The following MMP24 variants were observed in gnomAD, a reference collection of about 807,000 sequenced individuals.
MMP24 encodes matrix metalloproteinase-24.
MMP24 carries 25 observed loss-of-function variants against 62.8 expected under a neutral mutation model. The ratio of observed to expected loss-of-function variants is 0.40; its 90% CI spans 0.29 to 0.56. The LOEUF (loss-of-function observed/expected upper bound fraction) is 0.56, where lower values mean the gene tolerates loss of function less well. Among genes scored for constraint, MMP24 ranks in the 20% least tolerant of loss-of-function variants. MMP24 has a pLI of 0.50. For synonymous variants in MMP24, 319 were observed against 350.5 expected (o/e 0.91, Z 1.00); for missense variants, 634 against 853.6 (o/e 0.74, Z 3.21).
chr20:35,241,328 A>C (rs180704991), intron 1 of MMP24, among the ~76,000 whole-genome samples: 96 of 152,246 alleles, frequency 6.3e-4, no homozygotes, highest in Middle Eastern at 3.4e-3. Flanking sequence ...ACAGACACAC[A>C]CACACATAAT....
chr20:35,271,117 G>A lies in MMP24; in HGVS notation c.1334-452G>A, dbSNP rs961438557. 1.4e-4 allele frequency among the ~76,000 whole-genome samples: 22 copies of A among 152,182 alleles called. No individual in the cohort carries two copies. The highest frequency in any genetic ancestry group is 4.8e-4 in the African/African-American group (20 of 41,440). The stretch of plus-strand genomic sequence containing the variant: ...AGTGAGGCTAGGACTCCCTGTTGGG[G>A]ACCTGGGAGGCAGAAGGTGATGAGG... On this transcript the variant is annotated intron_variant, in intron 7 of 8. Coordinates refer to ENST00000246186, the MANE Select transcript of MMP24 (RefSeq NM_006690.4). This position sits in a 1 kb window ranked among gnomAD's most constrained non-coding sequence, Gnocchi z 4.0.
At position 35,263,771 on chromosome 20, in the gene MMP24, C is replaced by T; in HGVS notation, c.818-20C>T. ...ATCTAAGCAGGTGCCCTGGGCACCTCCCCACACTCCTCTCCACAGGGAACG... is the reference window on the plus strand; with the variant it reads ...ATCTAAGCAGGTGCCCTGGGCACCTTCCCACACTCCTCTCCACAGGGAACG... On this transcript the variant is annotated intron_variant, in intron 4 of 8. Transcript: ENST00000246186. 1.3e-6 allele frequency: 2 copies of T among 1,504,142 alleles called. No individual in the cohort carries two copies. Among genetic ancestry groups the T allele is most frequent in the East Asian group, 2.5e-5 (1 of 39,674 alleles). The allele number at this position is 1,504,142 out of a possible 1,614,324, so 93.2% of individuals were successfully genotyped here. A position where few individuals can be genotyped will look rare whatever the true frequency, so the allele number is the denominator to read the frequency against.
rs1371423513 is a variant in MMP24, at chr20:35,274,851, C to T, written c.*242C>T. On this transcript the variant is annotated 3_prime_UTR_variant, in exon 9 of 9. Transcript: ENST00000246186. This position sits in a 1 kb window ranked among gnomAD's most constrained non-coding sequence, Gnocchi z 5.1. Reference sequence around the variant, plus strand: ...CCTTCTGTCCTGGGCAAACTACTCCCTACTTAAGGGAATAGGCCAGGCTCC... The same window carrying T: ...CCTTCTGTCCTGGGCAAACTACTCCTTACTTAAGGGAATAGGCCAGGCTCC... 6.2e-5 allele frequency: 34 copies of T among 550,950 alleles called. No homozygotes were observed. Among genetic ancestry groups the T allele is most frequent in the Non-Finnish European group, 3.2e-6 (1 of 309,334 alleles). The allele number at this position is 550,950 out of a possible 1,614,324, so 34.1% of individuals were successfully genotyped here.
chr20:35,267,288 C>T lies in MMP24; in HGVS notation c.1063C>T (p.His355Tyr). The T allele has an allele frequency of 6.2e-7, 1 of 1,603,870 alleles. No homozygotes were observed. Among genetic ancestry groups the T allele is most frequent in the Non-Finnish European group, 8.5e-7 (1 of 1,175,642 alleles). The change falls in exon 6 of 9, where the codon CAC (histidine) becomes TAC (tyrosine). Residue 355 changes from histidine to tyrosine, a missense_variant. This residue lies in a region of MMP24 where 399 missense variants were observed against 530.8 expected (regional missense o/e 0.75). Transcript: ENST00000246186. ...RRIHSPSERK[H>Y]ERQPRPPRPP... Reference sequence around the variant, plus strand: ...GATCCACTCACCATCGGAGAGGAAACACGAGCGCCAGCCCAGGCCCCCTCG... The same window carrying T: ...GATCCACTCACCATCGGAGAGGAAATACGAGCGCCAGCCCAGGCCCCCTCG...
In MMP24 at chr20:35,274,816, C is replaced by T. The variant is rs2060694730; in HGVS notation, c.*207C>T. 2 of 591,358 alleles carry T rather than the reference C, an allele frequency of 3.4e-6. No homozygotes were observed. The highest frequency in any genetic ancestry group is 4.5e-4 in the Middle Eastern group (1 of 2,214). The allele number at this position is 591,358 out of a possible 1,614,324, so 36.6% of individuals were successfully genotyped here. On this transcript the variant is annotated 3_prime_UTR_variant, in exon 9 of 9. Coordinates refer to ENST00000246186, the MANE Select transcript of MMP24 (RefSeq NM_006690.4). The surrounding 1 kb of genome is among the most constrained non-coding windows in gnomAD (Gnocchi z 5.1). Reference sequence around the variant, plus strand: ...TGCCCCAGGGTGGGTGTCTGGCACCCAGCTGCCAGCCTTCTGTCCTGGGCA... The same window carrying T: ...TGCCCCAGGGTGGGTGTCTGGCACCTAGCTGCCAGCCTTCTGTCCTGGGCA...
rs772013163 is a variant in MMP24, at chr20:35,271,747, G to C, written c.1512G>C (p.Arg504=). ...ACTGGCGCTACAGCGAGGAGCGGCG[G>C]GCCACGGACCCTGGCTACCCTAAGC... ...ERYWRYSEER[R]ATDPGYPKPI... is the part of the protein sequence containing the mutation. Residue 504 remains arginine (R), a synonymous_variant, in exon 8 of 9, where the codon CGG becomes CGC. Transcript: ENST00000246186. The surrounding 1 kb of genome is among the most constrained non-coding windows in gnomAD (Gnocchi z 4.0). 1.1e-5 allele frequency: 18 copies of C among 1,599,366 alleles called. No homozygotes were observed. In the South Asian group the frequency reaches 2.0e-4, roughly 18 times the overall value.
intron 1 of MMP24, among the ~76,000 whole-genome samples, chr20:35,228,633 G>A (rs562411004): frequency 6.6e-6 from 1 of 152,262 alleles, no homozygotes; most frequent in East Asian, 1.9e-4. Flanking sequence ...AAGAGATAGA[G>A]CTAGACAATC....
intron 1 of MMP24, among the ~76,000 whole-genome samples, chr20:35,243,192 A>G (rs1260046528): frequency 6.6e-6 from 1 of 152,082 alleles, no homozygotes; most frequent in Admixed American, 6.5e-5. Context: ...AAAAGAAAAA[A>G]AAAATCTGCT....
At chr20:35,259,800 C>T (rs2060593284) in intron 4 of MMP24, among the ~76,000 whole-genome samples, 1 of 152,122 alleles carries the variant, frequency 6.6e-6, no homozygotes, top group Non-Finnish European at 1.5e-5. Context: ...CTTACAGGAA[C>T]ACACCCTATC....
intron 1 of MMP24, among the ~76,000 whole-genome samples, chr20:35,233,760 G>C (rs1391351365): frequency 6.6e-6 from 1 of 152,124 alleles, no homozygotes; most frequent in Non-Finnish European, 1.5e-5. Flanking sequence ...CACCCACAAG[G>C]ATCACTTGAG....
chr20:35,276,651 T>C lies in MMP24; in HGVS notation c.*2042T>C, dbSNP rs557662709. 1.8e-3 allele frequency: 342 copies of C among 189,052 alleles called. 2 individuals carry two copies. Among genetic ancestry groups the C allele is most frequent in the African/African-American group, 7.7e-3 (332 of 43,128 alleles). The allele number at this position is 189,052 out of a possible 1,614,324, so 11.7% of individuals were successfully genotyped here. On this transcript the variant is annotated 3_prime_UTR_variant, in exon 9 of 9. Transcript: ENST00000246186. ...TGGTGCTCTCACTTCTTGAAAGCTC[T>C]AGGCACCCCCGCCTCCCGCCAGGCT... is the stretch of plus-strand genomic sequence containing the variant.
chr20:35,272,381 G>C (rs2060675268), intron 8 of MMP24, among the ~76,000 whole-genome samples: 1 of 152,104 alleles, frequency 6.6e-6, no homozygotes, highest in African/African-American at 2.4e-5. Flanking sequence ...TGGGATTATA[G>C]GCACATGCCA....
intron 1 of MMP24, among the ~76,000 whole-genome samples, chr20:35,243,472 G>A (rs1372780781): frequency 6.6e-6 from 1 of 152,138 alleles, no homozygotes; most frequent in African/African-American, 2.4e-5. Context: ...GCCTCGCACA[G>A]TGCCTAGCCT....
intron 6 of MMP24, among the ~76,000 whole-genome samples, chr20:35,268,607 A>G (rs2060648307): frequency 6.6e-6 from 1 of 152,248 alleles, no homozygotes. Context: ...ACACCTTTTA[A>G]AATACTAGCT....
intron 1 of MMP24, among the ~76,000 whole-genome samples, chr20:35,239,280 G>C (rs534946210): frequency 3.3e-5 from 5 of 151,424 alleles, no homozygotes; most frequent in African/African-American, 1.2e-4. Flanking sequence ...CTCATGATCT[G>C]TCTGCCTCGG....
At chr20:35,248,212 T>A (rs1417778413) in intron 2 of MMP24, among the ~76,000 whole-genome samples, 2 of 151,826 alleles carry the variant, frequency 1.3e-5, no homozygotes, top group Non-Finnish European at 2.9e-5. Context: ...TTGACGTAAG[T>A]CACTCCTGGA....
rs1391149502 is a variant in MMP24, at chr20:35,269,607, T to C, written c.1195-153T>C. ...ATTGAAGACAGTTACAGGAGCATCCTGTCTTCCTCCCAGGGCTTTAAAAGT... is the reference window on the plus strand; with the variant it reads ...ATTGAAGACAGTTACAGGAGCATCCCGTCTTCCTCCCAGGGCTTTAAAAGT... On this transcript the variant is annotated intron_variant, in intron 6 of 8. Coordinates refer to ENST00000246186, the MANE Select transcript of MMP24 (RefSeq NM_006690.4). The surrounding 1 kb of genome is among the most constrained non-coding windows in gnomAD (Gnocchi z 4.6). Among the ~76,000 whole-genome samples the C allele has an allele frequency of 6.6e-6, 1 of 152,086 alleles. No homozygotes were observed.
intron 2 of MMP24, among the ~76,000 whole-genome samples, chr20:35,248,588 G>A (rs370037790): frequency 2.4e-4 from 37 of 152,180 alleles, no homozygotes; most frequent in African/African-American, 6.3e-4. Flanking sequence ...GATTACAGGC[G>A]TGAGCCACCG....
chr20:35,270,067 A>G (rs980943332), intron 7 of MMP24, among the ~76,000 whole-genome samples, 169 bp downstream of exon 7: 2 of 152,190 alleles, frequency 1.3e-5, no homozygotes, highest in African/African-American at 4.8e-5. Flanking sequence ...GAGACTGAGA[A>G]TCTGTATGTG....
Sources: allele counts gnomAD v4.1 joint callset (sites outside exome capture counted in the v4.1 genomes callset), GRCh38; gene constraint gnomAD v4.1.1; regional missense constraint gnomAD v4.1.1; non-coding constraint Gnocchi (gnomAD v3.1); transcripts MANE v1.5; gene names NCBI Gene and HGNC (gene_info 2026-07-23, HGNC 2026-07-21).